The following DEUP1 variants were observed in gnomAD, a reference collection of about 807,000 sequenced individuals.
DEUP1 encodes the protein deuterosome assembly protein 1.
In DEUP1, 82 loss-of-function variants were observed where a neutral mutation model predicts 87.4. That is an observed-to-expected ratio of 0.94 (90% CI 0.78 to 1.13). The LOEUF is 1.13. DEUP1 is among the 50% of genes most tolerant of loss of function. DEUP1 has a pLI of 0.00. For synonymous variants in DEUP1, 214 were observed against 222.7 expected (o/e 0.96, Z 0.35); for missense variants, 663 against 681.5 (o/e 0.97, Z 0.30).
intron 2 of DEUP1, among the ~76,000 whole-genome samples, chr11:93,336,436 A>G (rs1322363298): frequency 2.6e-5 from 4 of 152,054 alleles, no homozygotes; most frequent in Admixed American, 2.6e-4. Context: ...AGTGGTCTTT[A>G]CTCCATAGTC....
chr11:93,380,990 A>G (rs11820713), intron 7 of DEUP1, among the ~76,000 whole-genome samples: 14,075 of 152,222 alleles, frequency 0.092, 1,692 homozygotes, highest in African/African-American at 0.28. Context: ...AAACTTTAAG[A>G]TGTCTGAAAG....
intron 7 of DEUP1, among the ~76,000 whole-genome samples, chr11:93,380,378 GT>G (rs1034696452): frequency 6.6e-6 from 1 of 150,990 alleles, no homozygotes; most frequent in Admixed American, 6.6e-5. Context: ...ATCCTGCTCT[GT>G]TTTTTTGGGT....
At chr11:93,350,734 G>A (rs1944585652) in intron 2 of DEUP1, among the ~76,000 whole-genome samples, 1 of 151,828 alleles carries the variant, frequency 6.6e-6, no homozygotes, top group Non-Finnish European at 1.5e-5. Flanking sequence ...AGGATCACCT[G>A]AGGTCAGAAG....
chr11:93,415,108 C>T lies in DEUP1; in HGVS notation c.1632C>T (p.Phe544=). The change falls in exon 13 of 14, where the codon TTC becomes TTT. Residue 544 remains phenylalanine (F), a synonymous_variant. Coordinates refer to ENST00000298050, the MANE Select transcript of DEUP1 (RefSeq NM_181645.4). ...CTTTGGTTAGTGATGATGATGTATT[C>T]CCACTGGTGAGTTGCTGGTTGTGGG... The part of the protein sequence containing the change: ...TSPLVSDDDV[F]PLSPPDMSFP... 6.2e-7 allele frequency: 1 copy of T among 1,603,196 alleles called. No individual in the cohort carries two copies. Among genetic ancestry groups the T allele is most frequent in the East Asian group, 2.2e-5 (1 of 44,790 alleles).
chr11:93,352,682 T>G (rs904597752), intron 2 of DEUP1, among the ~76,000 whole-genome samples: 4 of 152,118 alleles, frequency 2.6e-5, no homozygotes, highest in African/African-American at 9.7e-5. Flanking sequence ...AGGCCTCAGA[T>G]TCATGGCAGG....
intron 8 of DEUP1, 76 bp downstream of exon 8, chr11:93,385,619 T>G: frequency 1.7e-6 from 2 of 1,173,954 alleles, no homozygotes; most frequent in Non-Finnish European, 2.3e-6. Flanking sequence ...AGTTTTATAT[T>G]TGAAATGAGA....
intron 2 of DEUP1, among the ~76,000 whole-genome samples, chr11:93,344,745 C>T (rs1165862776): frequency 6.6e-6 from 1 of 151,956 alleles, no homozygotes; most frequent in Non-Finnish European, 1.5e-5. Flanking sequence ...AAAATATGCC[C>T]ATTGATTTGG....
intron 2 of DEUP1, among the ~76,000 whole-genome samples, chr11:93,339,593 T>A (rs937656194): frequency 3.3e-5 from 5 of 152,154 alleles, no homozygotes; most frequent in African/African-American, 1.2e-4. Flanking sequence ...GCATAATTGG[T>A]GCAATGGCCC....
chr11:93,340,809 T>A (rs1199368714), intron 2 of DEUP1, among the ~76,000 whole-genome samples: 1 of 152,226 alleles, frequency 6.6e-6, no homozygotes, highest in East Asian at 1.9e-4. Context: ...GACAGAATTG[T>A]CATTTATTAA....
At chr11:93,437,422 G>A in intron 13 of DEUP1, 121 bp from the exon 14 acceptor site, 1 of 697,586 alleles carries the variant, frequency 1.4e-6, no homozygotes, top group Admixed American at 3.0e-5. Context: ...AGCCCAGGAT[G>A]TATTCTTTCA....
intron 2 of DEUP1, chr11:93,352,660 A>G (rs970482100): frequency 1.5e-5 from 8 of 542,718 alleles, no homozygotes; most frequent in African/African-American, 1.3e-4. Flanking sequence ...TTACAGTTCT[A>G]CATAGCTGGG....
chr11:93,400,552 C>T (rs1033885206), intron 11 of DEUP1, among the ~76,000 whole-genome samples: 15 of 152,154 alleles, frequency 9.9e-5, no homozygotes, highest in Non-Finnish European at 1.5e-4. Context: ...CTCATTTTTA[C>T]ACTATAAAGA....
At chr11:93,420,113 T>A (rs1390938597) in intron 13 of DEUP1, among the ~76,000 whole-genome samples, 1 of 151,996 alleles carries the variant, frequency 6.6e-6, no homozygotes, top group Non-Finnish European at 1.5e-5. Flanking sequence ...CACAACCAAA[T>A]AAGAGAATTT....
intron 11 of DEUP1, among the ~76,000 whole-genome samples, chr11:93,401,557 A>C (rs1337437331): frequency 6.6e-6 from 1 of 152,138 alleles, no homozygotes; most frequent in Non-Finnish European, 1.5e-5. Context: ...CTACAAAGCT[A>C]TAGTAACCAA....
chr11:93,408,286 A>C lies in DEUP1; in HGVS notation c.1382A>C (p.Gln461Pro), dbSNP rs752219006. The C allele has an allele frequency of 6.3e-7, 1 of 1,585,362 alleles. No homozygotes were observed. The highest frequency in any genetic ancestry group is 1.2e-5 in the South Asian group (1 of 86,622). ...QSRHTSINKL[Q>P]YENERLRNDL... Reference sequence around the variant, plus strand: ...AGGCATACATCTATTAATAAACTGCAATATGAGAATGAAAGGCTCCGAAAT... The same window carrying C: ...AGGCATACATCTATTAATAAACTGCCATATGAGAATGAAAGGCTCCGAAAT... Residue 461 changes from glutamine to proline, a missense_variant, in exon 12 of 14, where the codon CAA (glutamine) becomes CCA (proline). By Grantham distance (76) the Gln-to-Pro change is moderately conservative. Transcript: ENST00000298050.
Position 93,415,110 on chromosome 11 carries a change from C to A in DEUP1, c.1634C>A (p.Pro545Gln). 1 of 1,601,668 alleles carries A rather than the reference C, an allele frequency of 6.2e-7. No individual in the cohort carries two copies. Among genetic ancestry groups the A allele is most frequent in the Non-Finnish European group, 8.5e-7 (1 of 1,170,534 alleles). Residue 545 changes from proline (P) to glutamine (Q), a missense_variant, in exon 13 of 14, where the codon CCA becomes CAA. By Grantham distance (76) the Pro-to-Gln change is moderately conservative. Transcript: ENST00000298050. ...TTGGTTAGTGATGATGATGTATTCCCACTGGTGAGTTGCTGGTTGTGGGCT... is the reference window on the plus strand; with the variant it reads ...TTGGTTAGTGATGATGATGTATTCCAACTGGTGAGTTGCTGGTTGTGGGCT... ...SPLVSDDDVFPLSPPDMSFPA... is the reference protein window; with the variant it reads ...SPLVSDDDVFQLSPPDMSFPA...
intron 13 of DEUP1, among the ~76,000 whole-genome samples, chr11:93,416,524 G>C (rs1947636166): frequency 1.3e-5 from 2 of 152,038 alleles, no homozygotes; most frequent in South Asian, 4.2e-4. Context: ...ATCTGAAATT[G>C]TGGCAATAAT....
rs1947687681 is a variant in DEUP1, at chr11:93,417,551, A to G, written c.1638+2437A>G. Among the ~76,000 whole-genome samples the G allele has an allele frequency of 2.0e-5, 3 of 152,378 alleles. No individual in the cohort carries two copies. In the South Asian group the frequency reaches 6.2e-4, roughly 32 times the overall value. On this transcript the variant is annotated intron_variant, in intron 13 of 13. Transcript: ENST00000298050. ...AAAGAGGATACAAACAAATGGAAGAACATTCCATGCTCATGGGTAGGAAGA... is the reference window on the plus strand; with the variant it reads ...AAAGAGGATACAAACAAATGGAAGAGCATTCCATGCTCATGGGTAGGAAGA...
At chr11:93,335,174 ACAAAAT>A in intron 2 of DEUP1, among the ~76,000 whole-genome samples, 1 of 145,736 alleles carries the variant, frequency 6.9e-6, no homozygotes. Context: ...AGAGATATTT[ACAAAAT>A]GTAATTTCAA....
Sources: gnomAD v4.1 joint callset for allele counts (sites outside exome capture counted in the v4.1 genomes callset) on GRCh38, gnomAD v4.1.1 for gene constraint, MANE v1.5 for transcripts, NCBI Gene and HGNC (gene_info 2026-07-23, HGNC 2026-07-21) for gene names.